TVP23A: variants seen among roughly 807,000 people sequenced by gnomAD.
TVP23A encodes Golgi apparatus membrane protein TVP23 homolog A.
A neutral mutation model predicts 31.7 loss-of-function variants in TVP23A; 21 were observed. The ratio of observed to expected loss-of-function variants is 0.66; its 90% CI spans 0.47 to 0.95. The LOEUF (loss-of-function observed/expected upper bound fraction) is 0.95, where lower values mean the gene tolerates loss of function less well. Among genes scored for constraint, TVP23A ranks in the 40% least tolerant of loss-of-function variants. The probability of loss-of-function intolerance (pLI) is 0.00; values close to 1 mark genes in which losing one functional copy is unlikely to be tolerated. For missense variants in TVP23A, 279 were observed against 255.6 expected, an observed-to-expected ratio of 1.09 and a Z score of -0.62; for synonymous variants, 104 against 96.0, an observed-to-expected ratio of 1.08 and a Z score of -0.49.
Position 10,818,215 on chromosome 16 carries a change from A to G in TVP23A, c.10-33T>C. 6.4e-7 allele frequency: 1 copy of G among 1,554,984 alleles called. No homozygotes were observed. The highest frequency in any genetic ancestry group is 1.4e-5 in the African/African-American group (1 of 73,744). On this transcript the variant is annotated intron_variant, in intron 1 of 7. Transcript: ENST00000299866. This position sits in a 1 kb window ranked among gnomAD's most constrained non-coding sequence, Gnocchi z 4.7. ...GAGAGCAAGGGCAGGTGGCAGGCCCAAGCACGGCGCACACCCCAACCCCAC... is the reference window on the plus strand; with the variant it reads ...GAGAGCAAGGGCAGGTGGCAGGCCCGAGCACGGCGCACACCCCAACCCCAC...
At chr16:10,775,842 G>A (rs1375115835) in intron 2 of TVP23A, among the ~76,000 whole-genome samples, 6 of 143,806 alleles carry the variant, frequency 4.2e-5, no homozygotes, top group Middle Eastern at 7.4e-3. Flanking sequence ...TCCACCTCCC[G>A]GGTTCAAGCA....
At chr16:10,815,520 CCA>C (rs2034399472) in intron 2 of TVP23A, among the ~76,000 whole-genome samples, 1 of 152,178 alleles carries the variant, frequency 6.6e-6, no homozygotes, top group South Asian at 2.1e-4. Context: ...CAAGTTTGCC[CCA>C]CAGAGGATAT....
chr16:10,812,568 T>A (rs1035250238), intron 2 of TVP23A, among the ~76,000 whole-genome samples: 2 of 152,138 alleles, frequency 1.3e-5, no homozygotes, highest in African/African-American at 4.8e-5. Flanking sequence ...TTATCCAGCC[T>A]TAAAAAGGAA....
At chr16:10,774,686 C>T (rs2031877488) in intron 3 of TVP23A, among the ~76,000 whole-genome samples, 1 of 151,208 alleles carries the variant, frequency 6.6e-6, no homozygotes, top group Non-Finnish European at 1.5e-5. Context: ...CCTCGGCTCA[C>T]TGCAACCTCC....
chr16:10,801,859 G>T (rs1319122579), intron 2 of TVP23A, among the ~76,000 whole-genome samples: 1 of 152,044 alleles, frequency 6.6e-6, no homozygotes. Context: ...TTACATAAGA[G>T]AATGTCCTTT....
intron 2 of TVP23A, among the ~76,000 whole-genome samples, chr16:10,810,839 G>A (rs1279381152): frequency 2.6e-5 from 4 of 152,128 alleles, no homozygotes; most frequent in South Asian, 2.1e-4. Flanking sequence ...CAGGCCTTCG[G>A]GCTAGGATGG....
At chr16:10,791,945 C>T (rs1567298497) in intron 2 of TVP23A, among the ~76,000 whole-genome samples, 1 of 152,200 alleles carries the variant, frequency 6.6e-6, no homozygotes. Flanking sequence ...AAGAAGCAAA[C>T]AACATGGCAT....
At chr16:10,776,823 C>G (rs1354275120) in intron 2 of TVP23A, among the ~76,000 whole-genome samples, 1 of 152,004 alleles carries the variant, frequency 6.6e-6, no homozygotes, top group Non-Finnish European at 1.5e-5. Context: ...CCTTTTTCGA[C>G]CATATAGGGC....
At chr16:10,757,952 G>A (rs367652655), downstream of TVP23A, 98 of 1,613,938 alleles carry the variant, frequency 6.1e-5, 1 homozygote, top group East Asian at 2.0e-4. The surrounding 1 kb of genome is among the most constrained non-coding windows in gnomAD (Gnocchi z 4.1). Flanking sequence ...CTGGGACGTC[G>A]GATGAACACC....
At chr16:10,812,047 C>T (rs576828525) in intron 2 of TVP23A, among the ~76,000 whole-genome samples, 1 of 151,182 alleles carries the variant, frequency 6.6e-6, no homozygotes, top group Non-Finnish European at 1.5e-5. Flanking sequence ...GAATAAAGAC[C>T]TCAACAACAA....
At chr16:10,771,369 C>T (rs749958871) in intron 6 of TVP23A, among the ~76,000 whole-genome samples, 2 of 151,498 alleles carry the variant, frequency 1.3e-5, no homozygotes, top group Non-Finnish European at 2.9e-5. Context: ...GGCAAAACTT[C>T]GTCTCTACAA....
At chr16:10,771,875 G>A in intron 5 of TVP23A, 77 bp from the exon 6 acceptor site, 2 of 1,517,708 alleles carry the variant, frequency 1.3e-6, no homozygotes, top group Non-Finnish European at 1.8e-6. Flanking sequence ...CTGGGGTGCA[G>A]AGGCACGATC....
intron 2 of TVP23A, among the ~76,000 whole-genome samples, chr16:10,808,814 AC>A (rs1228225059): frequency 1.3e-5 from 2 of 152,094 alleles, no homozygotes; most frequent in East Asian, 3.9e-4. Flanking sequence ...CACTGGTCAA[AC>A]CCCACAAACA....
downstream of TVP23A, among the ~76,000 whole-genome samples, chr16:10,765,580 C>T (rs1250879960): frequency 2.6e-5 from 4 of 152,188 alleles, no homozygotes; most frequent in Non-Finnish European, 5.9e-5. The surrounding 1 kb of genome is among the most constrained non-coding windows in gnomAD (Gnocchi z 4.0). Flanking sequence ...CAGGCCTGCC[C>T]TTGCCATTGT....
exon 9 of TVP23A, chr16:10,761,479 G>T (rs927528421): frequency 1.9e-6 from 3 of 1,610,374 alleles, no homozygotes; most frequent in South Asian, 1.1e-5. Context: ...TGCAAGGTGA[G>T]GGCGCGTGGG....
At chr16:10,766,063 T>G (rs749269166), downstream of TVP23A, 2 of 152,296 alleles carry the variant, frequency 1.3e-5, no homozygotes, top group Non-Finnish European at 2.9e-5. The surrounding 1 kb of genome is among the most constrained non-coding windows in gnomAD (Gnocchi z 4.8). Context: ...CAGGAAGGCA[T>G]GAGGACAGCA....
chr16:10,800,887 AGGCTGAGGTG>A (rs1423709309), intron 2 of TVP23A, among the ~76,000 whole-genome samples: 6 of 152,158 alleles, frequency 3.9e-5, no homozygotes, highest in African/African-American at 9.7e-5. Context: ...GCTATTTGGG[AGGCTGAGGTG>A]GGAGGATCAC....
chr16:10,811,074 T>C (rs2034174852), intron 2 of TVP23A, among the ~76,000 whole-genome samples: 2 of 152,116 alleles, frequency 1.3e-5, no homozygotes, highest in South Asian at 2.1e-4. Context: ...AGTAGACTAG[T>C]GGTTCCCAGG....
chr16:10,769,381 A>G, intron 7 of TVP23A: 1 of 392,660 alleles, frequency 2.5e-6, no homozygotes, highest in Non-Finnish European at 4.6e-6. Context: ...CGTAAAAAAC[A>G]AATGGGTTGT....
Sources: allele counts gnomAD v4.1 joint callset (sites outside exome capture counted in the v4.1 genomes callset), GRCh38; gene constraint gnomAD v4.1.1; non-coding constraint Gnocchi (gnomAD v3.1); transcripts MANE v1.5; gene names NCBI Gene and HGNC (gene_info 2026-07-23, HGNC 2026-07-21).